SSBP3: variants seen among roughly 807,000 people sequenced by gnomAD.
SSBP3 encodes the protein single stranded DNA binding protein 3.
SSBP3 carries 5 observed loss-of-function variants against 69.6 expected under a neutral mutation model. The ratio of observed to expected loss-of-function variants is 0.07; its 90% CI spans 0.04 to 0.15. The LOEUF (loss-of-function observed/expected upper bound fraction) is 0.15, where lower values mean the gene tolerates loss of function less well. Among genes scored for constraint, SSBP3 ranks in the 10% least tolerant of loss-of-function variants. The probability of loss-of-function intolerance (pLI) is 1.00; values close to 1 mark genes in which losing one functional copy is unlikely to be tolerated. For synonymous variants in SSBP3, 196 were observed against 193.4 expected (o/e 1.01, Z -0.11); for missense variants, 312 against 534.0 (o/e 0.58, Z 4.10).
chr1:54,266,832 A>C (rs984509767), intron 5 of SSBP3, among the ~76,000 whole-genome samples: 14 of 152,194 alleles, frequency 9.2e-5, no homozygotes, highest in African/African-American at 3.4e-4. Flanking sequence ...CATGCTCACT[A>C]ATCAATGAGC....
chr1:54,336,806 G>A, intron 4 of SSBP3, among the ~76,000 whole-genome samples: 1 of 152,152 alleles, frequency 6.6e-6, no homozygotes, highest in Non-Finnish European at 1.5e-5. Context: ...TATGCAGAGG[G>A]TCCCAGAAGG....
intron 4 of SSBP3, among the ~76,000 whole-genome samples, chr1:54,378,869 AG>A (rs1029551695): frequency 5.9e-5 from 9 of 152,204 alleles, no homozygotes; most frequent in African/African-American, 1.7e-4. Flanking sequence ...CCTCCGAGGA[AG>A]GAACTCCCCA....
In SSBP3 at chr1:54,395,218, G is replaced by A. The variant is rs527951187; in HGVS notation, c.276+6643C>T. On this transcript the variant is annotated intron_variant, in intron 4 of 17. Transcript: ENST00000610401. ...TTCACAGCACAACCAACTTTCCCTG[G>A]ACAGCTTTCCATGCCTCTCTCAAGG... 5.3e-5 allele frequency among the ~76,000 whole-genome samples: 8 copies of A among 152,258 alleles called. No homozygotes were observed. The South Asian group carries it at 1.5e-3, about 28-fold the overall frequency.
At chr1:54,254,875 C>T (rs1008144403) in intron 7 of SSBP3, among the ~76,000 whole-genome samples, 3 of 152,106 alleles carry the variant, frequency 2.0e-5, no homozygotes, top group Non-Finnish European at 4.4e-5. Flanking sequence ...CTCTGTCACC[C>T]AAGCTGGAGT....
chr1:54,307,311 A>G (rs757864963), intron 4 of SSBP3, among the ~76,000 whole-genome samples: 4 of 151,936 alleles, frequency 2.6e-5, no homozygotes, highest in Non-Finnish European at 4.4e-5. Context: ...GCTCCAGGTC[A>G]CCTTCTCTAT....
chr1:54,314,635 TATGA>T (rs1200541272), intron 4 of SSBP3, among the ~76,000 whole-genome samples: 1 of 152,260 alleles, frequency 6.6e-6, no homozygotes, highest in Non-Finnish European at 1.5e-5. Context: ...ACAAAGATTC[TATGA>T]ACTTAAATAT....
At chr1:54,333,768 A>G (rs1646461487) in intron 4 of SSBP3, among the ~76,000 whole-genome samples, 3 of 152,218 alleles carry the variant, frequency 2.0e-5, no homozygotes, top group Non-Finnish European at 2.9e-5. Flanking sequence ...TGAGGGCCAT[A>G]TAAAAGTCAA....
rs563223383 is a variant in SSBP3, at chr1:54,398,121, C to G, written c.276+3740G>C. ...ACTAGAAAGATAGAGGATTTCTAGT[C>G]TCAGCTCTGCCAACACCTGGCTGCC... On this transcript the variant is annotated intron_variant, in intron 4 of 17. Transcript: ENST00000610401. 5.9e-5 allele frequency among the ~76,000 whole-genome samples: 9 copies of G among 152,324 alleles called. No homozygotes were observed. The East Asian group carries it at 1.4e-3, about 23-fold the overall frequency.
At chr1:54,240,146 C>T (rs1392083451) in intron 13 of SSBP3, among the ~76,000 whole-genome samples, 2 of 148,914 alleles carry the variant, frequency 1.3e-5, no homozygotes, top group Admixed American at 6.7e-5. Context: ...TATGTGCACG[C>T]ATGCCCTCTT....
chr1:54,350,022 C>A (rs896318198), intron 4 of SSBP3, among the ~76,000 whole-genome samples: 1 of 152,158 alleles, frequency 6.6e-6, no homozygotes, highest in Admixed American at 6.5e-5. Context: ...ACCAGAAATG[C>A]CTCTACCATT....
intron 5 of SSBP3, among the ~76,000 whole-genome samples, chr1:54,266,563 T>C (rs1380017781): frequency 6.6e-6 from 1 of 152,094 alleles, no homozygotes; most frequent in Non-Finnish European, 1.5e-5. Flanking sequence ...TCCTCAAGAC[T>C]GAAGAGGGAA....
chr1:54,229,790 C>G (rs977980298), intron 14 of SSBP3, among the ~76,000 whole-genome samples: 1 of 152,152 alleles, frequency 6.6e-6, no homozygotes, highest in Non-Finnish European at 1.5e-5. Flanking sequence ...TGTTTGGCAC[C>G]TGGCCGGGAC....
chr1:54,310,262 G>C (rs1349635917), intron 4 of SSBP3, among the ~76,000 whole-genome samples: 1 of 152,170 alleles, frequency 6.6e-6, no homozygotes, highest in African/African-American at 2.4e-5. Context: ...CTCTCAGCCA[G>C]GCTTTCTTCT....
intron 4 of SSBP3, among the ~76,000 whole-genome samples, chr1:54,397,236 TCTC>T (rs1379138703): frequency 7.2e-5 from 11 of 152,114 alleles, no homozygotes; most frequent in African/African-American, 2.7e-4. Context: ...CTGCAGGCCT[TCTC>T]CACCTATTCC....
chr1:54,373,255 T>C (rs1647165086), intron 4 of SSBP3, among the ~76,000 whole-genome samples: 1 of 152,160 alleles, frequency 6.6e-6, no homozygotes, highest in South Asian at 2.1e-4. Context: ...CACTGACGGC[T>C]GAAGGGAAAT....
In SSBP3 at chr1:54,241,520, G is replaced by C. The variant is rs767206789; in HGVS notation, c.766-11C>G. 4 of 1,613,870 alleles carry C rather than the reference G, an allele frequency of 2.5e-6. No individual in the cohort carries two copies. The highest frequency in any genetic ancestry group is 2.2e-5 in the South Asian group (2 of 91,070). ...GGAGGAGTATGGAATCTAAAAACAAGATGTCAGGGAGCCCCACGTCAGAGT... is the reference window on the plus strand; with the variant it reads ...GGAGGAGTATGGAATCTAAAAACAACATGTCAGGGAGCCCCACGTCAGAGT... On this transcript the variant is annotated splice_polypyrimidine_tract_variant and intron_variant, in intron 11 of 17. Coordinates refer to ENST00000610401, the Ensembl canonical transcript of SSBP3.
At chr1:54,294,375 C>T (rs1346696773) in intron 4 of SSBP3, among the ~76,000 whole-genome samples, 5 of 149,320 alleles carry the variant, frequency 3.3e-5, no homozygotes, top group Non-Finnish European at 7.4e-5. Flanking sequence ...TCCTTCTGCC[C>T]GTAAAGCCCT....
intron 4 of SSBP3, among the ~76,000 whole-genome samples, chr1:54,354,411 G>A (rs1176777715): frequency 3.3e-5 from 5 of 152,160 alleles, no homozygotes; most frequent in East Asian, 1.9e-4. Flanking sequence ...CCCACTGAAC[G>A]GCAAACCCGA....
intron 5 of SSBP3, among the ~76,000 whole-genome samples, chr1:54,260,781 G>A (rs3766435): frequency 0.41 from 62,328 of 152,132 alleles, 12,929 homozygotes; most frequent in South Asian, 0.48. Context: ...TCTGGGGCGG[G>A]AAGAGCAGCT....
Sources: allele counts gnomAD v4.1 joint callset (sites outside exome capture counted in the v4.1 genomes callset), GRCh38; gene constraint gnomAD v4.1.1; transcripts MANE v1.5; gene names NCBI Gene and HGNC (gene_info 2026-07-23, HGNC 2026-07-21).